Variants in UCHL3 observed in about 807,000 individuals in gnomAD.
UCHL3 encodes ubiquitin carboxyl-terminal hydrolase isozyme L3.
UCHL3 carries 22 observed loss-of-function variants against 35.8 expected under a neutral mutation model. The ratio of observed to expected loss-of-function variants is 0.61; its 90% confidence interval spans 0.44 to 0.88. The LOEUF is 0.88. Among genes scored for constraint, UCHL3 ranks in the 40% least tolerant of loss-of-function variants. The pLI is 0.00. For synonymous variants in UCHL3, 90 were observed against 92.8 expected (o/e 0.97, Z 0.17); for missense variants, 229 against 276.9 (o/e 0.83, Z 1.23).
At position 75,590,274 on chromosome 13, in the gene UCHL3, A is replaced by G. The variant is rs143559192; in HGVS notation, c.475-4641A>G. 7.1e-3 allele frequency: 8,354 copies of G among 1,172,428 alleles called. 41 individuals carry two copies. The highest frequency in any genetic ancestry group is 7.9e-3 in the Non-Finnish European group (7,399 of 931,764). The allele number at this position is 1,172,428 out of a possible 1,614,324, so 72.6% of individuals were successfully genotyped here. On this transcript the variant is annotated intron_variant, in intron 6 of 8. Coordinates refer to ENST00000377595, the MANE Select transcript of UCHL3 (RefSeq NM_006002.5). ...TCTCCCCCAATAAGATTGCAAGCAT[A>G]TCTCTATGCTTTGCATTCTAGCTTG...
chr13:75,601,415 A>C (rs1043796246), intron 7 of UCHL3, among the ~76,000 whole-genome samples: 1 of 152,184 alleles, frequency 6.6e-6, no homozygotes, highest in African/African-American at 2.4e-5. Context: ...ATTTTAGGAA[A>C]TTTCCACAGC....
intron 6 of UCHL3, among the ~76,000 whole-genome samples, chr13:75,572,833 C>T (rs2031905140): frequency 6.6e-6 from 1 of 152,200 alleles, no homozygotes; most frequent in Non-Finnish European, 1.5e-5. Context: ...GTGGAATATA[C>T]TGACCTCTAG....
At chr13:75,550,118 C>T in intron 2 of UCHL3, 131 bp downstream of exon 2, 1 of 1,436,244 alleles carries the variant, frequency 7.0e-7, no homozygotes, top group Non-Finnish European at 9.8e-7. Flanking sequence ...TCTTGTTCGG[C>T]TTTACGCGGG....
intron 6 of UCHL3, among the ~76,000 whole-genome samples, chr13:75,589,333 C>T (rs759808146): frequency 4.6e-5 from 7 of 152,010 alleles, no homozygotes; most frequent in South Asian, 2.1e-4. Context: ...AAAAAAGATG[C>T]GTATTATATT....
chr13:75,573,892 G>T (rs937647165), intron 6 of UCHL3, among the ~76,000 whole-genome samples: 4 of 152,256 alleles, frequency 2.6e-5, no homozygotes, highest in South Asian at 2.1e-4. Context: ...TGCAGAGTTG[G>T]AGACTTCTCA....
At position 75,606,013 on chromosome 13, in the gene UCHL3, A is replaced by T. The variant is rs757726253; in HGVS notation, c.*201A>T. On this transcript the variant is annotated 3_prime_UTR_variant, in exon 9 of 9. Transcript: ENST00000377595. ...CTTTCCTCCTCTTTTCTTGTGAAGG[A>T]TTTATCTTGTTTGAAAACTAGCAAT... The T allele has an allele frequency of 6.1e-5, 32 of 524,204 alleles. No homozygotes were observed. Among genetic ancestry groups the T allele is most frequent in the Non-Finnish European group, 8.7e-5 (26 of 297,238 alleles). The allele number at this position is 524,204 out of a possible 1,614,324, so 32.5% of individuals were successfully genotyped here. A position where few individuals can be genotyped will look rare whatever the true frequency, so the allele number is the denominator to read the frequency against.
chr13:75,573,319 G>A (rs570788270), intron 6 of UCHL3, among the ~76,000 whole-genome samples: 6 of 151,752 alleles, frequency 4.0e-5, no homozygotes, highest in East Asian at 3.9e-4. Flanking sequence ...AAGAGTGTTC[G>A]GTGTATTATT....
chr13:75,571,844 C>A (rs2031867007), intron 6 of UCHL3, among the ~76,000 whole-genome samples: 1 of 151,748 alleles, frequency 6.6e-6, no homozygotes, highest in Admixed American at 6.6e-5. Flanking sequence ...CTGGAGTGAG[C>A]AATATTTTTT....
intron 5 of UCHL3, among the ~76,000 whole-genome samples, chr13:75,568,484 T>G (rs561501724): frequency 9.9e-5 from 15 of 151,796 alleles, no homozygotes; most frequent in African/African-American, 3.6e-4. Flanking sequence ...TGTATATATA[T>G]ATACACAATT....
Position 75,563,920 on chromosome 13 carries a change from C to CTGTG in UCHL3, c.184-2755_184-2752dup, listed in dbSNP as rs58677064. Among the ~76,000 whole-genome samples the CTGTG allele has an allele frequency of 1.1e-3, 159 of 149,194 alleles. 1 individual carries two copies. Among genetic ancestry groups the CTGTG allele is most frequent in the Middle Eastern group, 3.4e-3 (1 of 290 alleles). ...CCTTTTTTAAAGCCGAATAATATTTCTGTGTGTGTGTGTGTGTGTGTGTCT... is the reference window on the plus strand; with the variant it reads ...CCTTTTTTAAAGCCGAATAATATTTCTGTGTGTGTGTGTGTGTGTGTGTGTGTCT... On this transcript the variant is annotated intron_variant, in intron 3 of 8. Coordinates refer to ENST00000377595, the MANE Select transcript of UCHL3 (RefSeq NM_006002.5).
At chr13:75,583,255 A>C (rs955046485) in intron 6 of UCHL3, among the ~76,000 whole-genome samples, 3 of 152,186 alleles carry the variant, frequency 2.0e-5, no homozygotes, top group Non-Finnish European at 4.4e-5. Flanking sequence ...ATGCTATCCT[A>C]TTTTGAATGT....
At chr13:75,557,581 G>C (rs189464356) in intron 2 of UCHL3, among the ~76,000 whole-genome samples, 1 of 152,304 alleles carries the variant, frequency 6.6e-6, no homozygotes, top group Admixed American at 6.5e-5. Context: ...TATCCTGCTT[G>C]ATGTAAATGG....
chr13:75,568,714 T>C (rs1246700307), intron 5 of UCHL3, among the ~76,000 whole-genome samples: 1 of 152,038 alleles, frequency 6.6e-6, no homozygotes, highest in Non-Finnish European at 1.5e-5. Flanking sequence ...AGGTACATCA[T>C]TGTAGCTAAA....
chr13:75,592,280 A>G (rs1338070889), intron 6 of UCHL3, among the ~76,000 whole-genome samples: 2 of 150,390 alleles, frequency 1.3e-5, no homozygotes, highest in Non-Finnish European at 3.0e-5. Context: ...TATTTATACT[A>G]AAAGAGTAGG....
chr13:75,601,737 C>G lies in UCHL3; in HGVS notation c.551-3032C>G, dbSNP rs187526747. 2.0e-5 allele frequency among the ~76,000 whole-genome samples: 3 copies of G among 152,298 alleles called. No homozygotes were observed. The East Asian group carries it at 5.8e-4, about 29-fold the overall frequency. On this transcript the variant is annotated intron_variant, in intron 7 of 8. Transcript: ENST00000377595. Reference sequence around the variant, plus strand: ...CTGGAAGCTAACCCACAGTATCTCTCAGGCATGCCTGTACATTTTTTAGAA... The same window carrying G: ...CTGGAAGCTAACCCACAGTATCTCTGAGGCATGCCTGTACATTTTTTAGAA...
At chr13:75,570,238 C>G (rs1231330906) in intron 6 of UCHL3, among the ~76,000 whole-genome samples, 1 of 151,376 alleles carries the variant, frequency 6.6e-6, no homozygotes, top group East Asian at 1.9e-4. Context: ...TGAAACCACA[C>G]TTTTTTTTGT....
intron 2 of UCHL3, among the ~76,000 whole-genome samples, chr13:75,556,210 C>CA (rs2031288679): frequency 6.6e-6 from 1 of 152,188 alleles, no homozygotes. Flanking sequence ...ATTGAGCCTG[C>CA]AGTGAAGTAA....
intron 2 of UCHL3, among the ~76,000 whole-genome samples, chr13:75,558,447 G>T (rs550944938): frequency 2.0e-4 from 31 of 152,292 alleles, no homozygotes; most frequent in African/African-American, 7.5e-4. Flanking sequence ...CAGCACAGAT[G>T]TAAAATTGCT....
In UCHL3 at chr13:75,560,745, T is replaced by G; in HGVS notation, c.55-8T>G. 1.9e-6 allele frequency: 3 copies of G among 1,596,266 alleles called. No individual in the cohort carries two copies. Among genetic ancestry groups the G allele is most frequent in the Non-Finnish European group, 2.6e-6 (3 of 1,174,864 alleles). On this transcript the variant is annotated splice_region_variant and splice_polypyrimidine_tract_variant and intron_variant, in intron 2 of 8. Transcript: ENST00000377595. ...CATTGTTTTTTTTTTCTTTCTTTCT[T>G]TTACCAGTTTCTTAAACAATTAGGT...
Sources: allele counts gnomAD v4.1 joint callset (sites outside exome capture counted in the v4.1 genomes callset), GRCh38; gene constraint gnomAD v4.1.1; transcripts MANE v1.5; gene names NCBI Gene and HGNC (gene_info 2026-07-23, HGNC 2026-07-21).